The following RALGAPB variants were observed in gnomAD, a reference collection of about 807,000 sequenced individuals.
RALGAPB encodes the protein ral GTPase-activating protein subunit beta.
Under a neutral mutation model 161.1 loss-of-function variants are expected in RALGAPB, and 25 were observed. The ratio of observed to expected loss-of-function variants is 0.16; its 90% CI spans 0.11 to 0.22. RALGAPB has a LOEUF of 0.22. Among genes scored for constraint, RALGAPB ranks in the 10% least tolerant of loss-of-function variants. The probability of loss-of-function intolerance (pLI) is 1.00; values close to 1 mark genes in which losing one functional copy is unlikely to be tolerated. For synonymous variants in RALGAPB, 629 were observed against 626.1 expected, an observed-to-expected ratio of 1.00 and a Z score of -0.07; for missense variants, 1,391 against 1,815.2, an observed-to-expected ratio of 0.77 and a Z score of 4.25.
Position 38,558,988 on chromosome 20 carries a change from A to C in RALGAPB, c.3531+535A>C, listed in dbSNP as rs1163169737. 2.0e-5 allele frequency among the ~76,000 whole-genome samples: 3 copies of C among 152,254 alleles called. No homozygotes were observed. In the East Asian group the frequency reaches 5.8e-4, roughly 29 times the overall value. Reference sequence around the variant, plus strand: ...TGGTATGCACTTGTCTATGGTAAGAAGTATTTTGTACTTGATGCCTAAAGA... The same window carrying C: ...TGGTATGCACTTGTCTATGGTAAGACGTATTTTGTACTTGATGCCTAAAGA... On this transcript the variant is annotated intron_variant, in intron 23 of 29. Transcript: ENST00000262879.
intron 1 of RALGAPB, among the ~76,000 whole-genome samples, chr20:38,476,881 C>G (rs1469882370): frequency 6.6e-6 from 1 of 152,050 alleles, no homozygotes; most frequent in Non-Finnish European, 1.5e-5. Context: ...TGTGGATAAT[C>G]AGAGTACGGT....
At chr20:38,495,645 C>T (rs913404589) in intron 3 of RALGAPB, among the ~76,000 whole-genome samples, 1 of 152,144 alleles carries the variant, frequency 6.6e-6, no homozygotes, top group East Asian at 1.9e-4. Flanking sequence ...CATTCACCAC[C>T]ACTGTTCTAA....
In RALGAPB at chr20:38,574,821, C is replaced by T. The variant is rs1393756066; in HGVS notation, c.4339C>T (p.Leu1447=). The change falls in exon 30 of 30, where the codon CTG becomes TTG. Residue 1447 remains leucine, a synonymous_variant. Transcript: ENST00000262879. ...TVINICRRKR[L]ESDSYSPPHV... ...AATTAACATTTGTAGAAGAAAGAGA[C>T]TGGAAAGTGACTCCTACAGTCCCCC... The T allele has an allele frequency of 3.1e-6, 5 of 1,613,898 alleles. No individual in the cohort carries two copies. In the African/African-American group the frequency reaches 6.7e-5, roughly 22 times the overall value.
At chr20:38,557,332 G>A (rs2145467336) in intron 22 of RALGAPB, among the ~76,000 whole-genome samples, 1 of 152,304 alleles carries the variant, frequency 6.6e-6, no homozygotes, top group South Asian at 2.1e-4. Context: ...TGGTGCATTT[G>A]TTGTGACTGA....
intron 21 of RALGAPB, among the ~76,000 whole-genome samples, 196 bp downstream of exon 21, chr20:38,551,419 G>C (rs2087371177): frequency 1.3e-5 from 2 of 152,160 alleles, no homozygotes; most frequent in Admixed American, 1.3e-4. Flanking sequence ...TCTCTTAGAG[G>C]TGTTGCTGGG....
chr20:38,473,090 G>A (rs1309373435), intron 1 of RALGAPB, 21 bp downstream of exon 1: 1 of 348,844 alleles, frequency 2.9e-6, no homozygotes, highest in Non-Finnish European at 5.2e-6. Flanking sequence ...AGCCGGCCCC[G>A]CCGCGGCCGG....
intron 1 of RALGAPB, among the ~76,000 whole-genome samples, chr20:38,480,720 G>A (rs1236635544): frequency 5.1e-5 from 6 of 116,906 alleles, no homozygotes; most frequent in African/African-American, 1.9e-4. Context: ...TTTTATCTGT[G>A]ACTCCCCCAC....
At chr20:38,535,284 G>T in intron 16 of RALGAPB, 77 bp downstream of exon 16, 1 of 1,489,856 alleles carries the variant, frequency 6.7e-7, no homozygotes, top group South Asian at 1.2e-5. Flanking sequence ...TTAACCCCTT[G>T]TGTGGGTATT....
At chr20:38,535,707 T>TC (rs1186163982) in intron 16 of RALGAPB, among the ~76,000 whole-genome samples, 2 of 151,704 alleles carry the variant, frequency 1.3e-5, no homozygotes, top group African/African-American at 2.4e-5. Flanking sequence ...TGCCTCAGCC[T>TC]CCAACTAGCT....
intron 21 of RALGAPB, among the ~76,000 whole-genome samples, chr20:38,553,563 A>G (rs553819476): frequency 6.6e-6 from 1 of 152,196 alleles, no homozygotes; most frequent in East Asian, 1.9e-4. Context: ...TTAATGGCAT[A>G]CTCTACATTG....
intron 6 of RALGAPB, among the ~76,000 whole-genome samples, chr20:38,513,495 A>G (rs1370221488): frequency 6.6e-6 from 1 of 151,650 alleles, no homozygotes; most frequent in Non-Finnish European, 1.5e-5. Flanking sequence ...GGGGAAGCAA[A>G]AAACAAATTA....
intron 26 of RALGAPB, 29 bp from the exon 27 acceptor site, chr20:38,569,859 C>T (rs749258380): frequency 2.9e-5 from 45 of 1,569,796 alleles, no homozygotes; most frequent in Admixed American, 3.4e-5. Flanking sequence ...TTGTTTTTCC[C>T]GCTCTCTGTC....
intron 5 of RALGAPB, among the ~76,000 whole-genome samples, chr20:38,506,586 G>GCCTGGC (rs2085770242): frequency 6.6e-6 from 1 of 152,158 alleles, no homozygotes; most frequent in Non-Finnish European, 1.5e-5. Context: ...GAGTGACCAC[G>GCCTGGC]CCTGGCCTAG....
chr20:38,568,696 A>C (rs1161424250), intron 26 of RALGAPB: 2 of 152,224 alleles, frequency 1.3e-5, no homozygotes, highest in African/African-American at 4.8e-5. Flanking sequence ...AGATTGCAGG[A>C]AAAACGCCAG....
chr20:38,535,734 G>A (rs900222846), intron 16 of RALGAPB, among the ~76,000 whole-genome samples: 3 of 151,966 alleles, frequency 2.0e-5, no homozygotes, highest in Admixed American at 6.6e-5. Flanking sequence ...ACAGGCATAC[G>A]CCATCACAGC....
At chr20:38,516,079 T>C (rs1205746433) in intron 6 of RALGAPB, 113 bp from the exon 7 acceptor site, 11 of 778,698 alleles carry the variant, frequency 1.4e-5, no homozygotes, top group Admixed American at 3.5e-5. Context: ...CAAATCAGTC[T>C]CTTTTCTGAA....
intron 6 of RALGAPB, 101 bp downstream of exon 6, chr20:38,509,309 A>G: frequency 7.8e-7 from 1 of 1,279,808 alleles, no homozygotes; most frequent in Non-Finnish European, 1.1e-6. Context: ...GGTGGACACT[A>G]AGCCCCATTC....
intron 7 of RALGAPB, 102 bp from the exon 8 acceptor site, chr20:38,517,404 T>G: frequency 8.4e-7 from 1 of 1,195,984 alleles, no homozygotes; most frequent in Non-Finnish European, 1.2e-6. Context: ...TCTGCTATAG[T>G]CTATGTGTCC....
chr20:38,482,289 G>C (rs191136838), intron 1 of RALGAPB, among the ~76,000 whole-genome samples: 51 of 152,182 alleles, frequency 3.4e-4, no homozygotes, highest in African/African-American at 9.1e-4. Context: ...TAGTTTTGCT[G>C]TCTCAGGGAT....
Sources: gnomAD v4.1 joint callset for allele counts (sites outside exome capture counted in the v4.1 genomes callset) on GRCh38, gnomAD v4.1.1 for gene constraint, MANE v1.5 for transcripts, NCBI Gene and HGNC (gene_info 2026-07-23, HGNC 2026-07-21) for gene names.